Variants in EPHA4 observed in about 807,000 individuals in gnomAD.
EPHA4 encodes ephrin type-A receptor 4.
Under a neutral mutation model 108.3 loss-of-function variants are expected in EPHA4, and 19 were observed. The observed-to-expected ratio is 0.18, with a 90% CI of 0.12 to 0.26. The LOEUF (loss-of-function observed/expected upper bound fraction) is 0.26, where lower values mean the gene tolerates loss of function less well. Ranked by LOEUF, EPHA4 falls within the 10% of genes least tolerant of loss-of-function variation. The pLI is 1.00. For synonymous variants in EPHA4, 449 were observed against 455.5 expected (o/e 0.99, Z 0.18); for missense variants, 917 against 1,254.0 (o/e 0.73, Z 4.06).
In EPHA4 at chr2:221,436,601, T is replaced by C; in HGVS notation, c.2144A>G (p.Asp715Gly). Residue 715 changes from aspartate (D) to glycine (G), a missense_variant, in exon 13 of 18, where the codon GAT (aspartate) becomes GGT (glycine). By Grantham distance (94) the Asp-to-Gly change is moderately conservative. Around this residue, in one of 3 missense-constraint regions of EPHA4, gnomAD observed 758 missense variants for 1,076.7 expected, o/e 0.70. Transcript: ENST00000281821. Reference sequence around the variant, plus strand: ...CAGCTGAATGACTGTAAATCTGCCATCATTTTTCTGCATAGAAAAGGAGTG... The same window carrying C: ...CAGCTGAATGACTGTAAATCTGCCACCATTTTTCTGCATAGAAAAGGAGTG... ...GSLDAFLRKNDGRFTVIQLVG... is the reference protein window; with the variant it reads ...GSLDAFLRKNGGRFTVIQLVG... 1 of 1,614,116 alleles carries C rather than the reference T, an allele frequency of 6.2e-7. No homozygotes were observed. Among genetic ancestry groups the C allele is most frequent in the Non-Finnish European group, 8.5e-7 (1 of 1,180,008 alleles).
In EPHA4 at chr2:221,571,839, A is replaced by T. The variant is rs1408338210; in HGVS notation, c.91+319T>A. ...ACGTGGTTCTTGTAATTTTTTTTTT[A>T]AATCCCGGCGTTGTCTCCCGTGCAT... On this transcript the variant is annotated intron_variant, in intron 1 of 17. Coordinates refer to ENST00000281821, the MANE Select transcript of EPHA4 (RefSeq NM_004438.5). The surrounding 1 kb of genome is among the most constrained non-coding windows in gnomAD (Gnocchi z 6.3). Among the ~76,000 whole-genome samples, 2 of 151,754 alleles carry T rather than the reference A, an allele frequency of 1.3e-5. No homozygotes were observed. Among genetic ancestry groups the T allele is most frequent in the Non-Finnish European group, 2.9e-5 (2 of 67,934 alleles).
chr2:221,502,989 A>T (rs936861507), intron 3 of EPHA4, among the ~76,000 whole-genome samples: 1 of 152,178 alleles, frequency 6.6e-6, no homozygotes, highest in South Asian at 2.1e-4. Context: ...TTTTTTGGTC[A>T]TGCTTAAGAT....
chr2:221,462,350 T>C (rs1691172374), intron 5 of EPHA4, among the ~76,000 whole-genome samples: 2 of 151,828 alleles, frequency 1.3e-5, no homozygotes, highest in South Asian at 4.2e-4. Context: ...ATTTTCCTGG[T>C]CTAAGGTGCC....
At chr2:221,493,628 T>A (rs1284170831) in intron 4 of EPHA4, among the ~76,000 whole-genome samples, 1 of 152,212 alleles carries the variant, frequency 6.6e-6, no homozygotes, top group African/African-American at 2.4e-5. Flanking sequence ...TGGCTCATTA[T>A]GTTGATAACT....
rs572708457 is a variant in EPHA4 at position 221,426,362 on chromosome 2, A to AT, written c.2846+101dup. On this transcript the variant is annotated intron_variant, in intron 16 of 17. Coordinates refer to ENST00000281821, the MANE Select transcript of EPHA4 (RefSeq NM_004438.5). ...TCAATCAAAATGAGAGGCATTCCAG[A>AT]TTTTTTTTAAATGAGTAGGATGATT... The AT allele has an allele frequency of 1.7e-4, 235 of 1,387,194 alleles. No individual in the cohort carries two copies. The African/African-American group carries it at 2.2e-3, about 13-fold the overall frequency. The allele number at this position is 1,387,194 out of a possible 1,614,324, so 85.9% of individuals were successfully genotyped here.
intron 8 of EPHA4, among the ~76,000 whole-genome samples, chr2:221,446,550 CAT>C (rs1300322176): frequency 1.3e-5 from 2 of 151,736 alleles, no homozygotes; most frequent in East Asian, 1.9e-4. Context: ...TATATATGTA[CAT>C]GTGTGTATAT....
At chr2:221,420,703 TC>T (rs1023722353) in intron 17 of EPHA4, among the ~76,000 whole-genome samples, 151 bp from the exon 18 acceptor site, 3 of 151,898 alleles carry the variant, frequency 2.0e-5, no homozygotes, top group Non-Finnish European at 2.9e-5. Context: ...AATTATACTT[TC>T]CTTTTCTGAA....
intron 5 of EPHA4, 143 bp downstream of exon 5, chr2:221,482,209 C>A (rs1691840981): frequency 1.1e-6 from 1 of 878,488 alleles, no homozygotes; most frequent in Non-Finnish European, 1.7e-6. Flanking sequence ...CCGTGCCCAG[C>A]CCCTAAGTAT....
chr2:221,471,546 G>C (rs1021348256), intron 5 of EPHA4, among the ~76,000 whole-genome samples: 9 of 152,188 alleles, frequency 5.9e-5, no homozygotes, highest in Non-Finnish European at 1.2e-4. Flanking sequence ...AGAGGAAAAA[G>C]AAGTGGAGGG....
At chr2:221,470,885 C>T (rs1018739007) in intron 5 of EPHA4, among the ~76,000 whole-genome samples, 8 of 152,110 alleles carry the variant, frequency 5.3e-5, no homozygotes, top group African/African-American at 1.9e-4. Context: ...TGACAATTTT[C>T]TCAAAAGCTA....
intron 8 of EPHA4, among the ~76,000 whole-genome samples, chr2:221,452,133 A>C (rs1462013619): frequency 6.6e-6 from 1 of 152,246 alleles, no homozygotes; most frequent in Non-Finnish European, 1.5e-5. Context: ...GTTTCTGTCC[A>C]TTGACTTCCT....
At chr2:221,530,591 C>A (rs573199040) in intron 3 of EPHA4, among the ~76,000 whole-genome samples, 12 of 152,290 alleles carry the variant, frequency 7.9e-5, no homozygotes, top group Admixed American at 4.6e-4. Context: ...CCATGGACCT[C>A]CTGGACATCC....
chr2:221,512,276 A>G (rs1055847887), intron 3 of EPHA4, among the ~76,000 whole-genome samples: 4 of 152,374 alleles, frequency 2.6e-5, no homozygotes, highest in African/African-American at 9.6e-5. Flanking sequence ...CGTATATTTT[A>G]GATGAACTAA....
At chr2:221,421,321 A>C (rs1207427814) in intron 17 of EPHA4, among the ~76,000 whole-genome samples, 1 of 152,206 alleles carries the variant, frequency 6.6e-6, no homozygotes, top group East Asian at 1.9e-4. Context: ...AAAAGAAAAA[A>C]AAGAAAAATG....
At chr2:221,461,371 T>C (rs760770313) in intron 5 of EPHA4, among the ~76,000 whole-genome samples, 1 of 152,158 alleles carries the variant, frequency 6.6e-6, no homozygotes, top group Non-Finnish European at 1.5e-5. Flanking sequence ...GAAGAGGAGA[T>C]AATAGAATTT....
chr2:221,515,798 G>A (rs1255081831), intron 3 of EPHA4, among the ~76,000 whole-genome samples: 1 of 152,088 alleles, frequency 6.6e-6, no homozygotes. Context: ...CCTGGGCAAC[G>A]GAGCAAGACC....
chr2:221,537,706 T>C (rs2106188091), intron 3 of EPHA4, among the ~76,000 whole-genome samples: 1 of 152,304 alleles, frequency 6.6e-6, no homozygotes, highest in African/African-American at 2.4e-5. Context: ...CGGAGGATCA[T>C]TTGAACCTAA....
At chr2:221,497,815 G>T (rs1231435828) in intron 4 of EPHA4, among the ~76,000 whole-genome samples, 2 of 152,116 alleles carry the variant, frequency 1.3e-5, no homozygotes, top group Admixed American at 6.6e-5. Flanking sequence ...GGAGTTCCAA[G>T]AGCAGGTATT....
At position 221,566,947 on chromosome 2, in the gene EPHA4, AAGG is replaced by A. The variant is rs1235918497; in HGVS notation, c.159+1768_159+1770del. Among the ~76,000 whole-genome samples, 5 of 78,726 alleles carry A rather than the reference AAGG, an allele frequency of 6.4e-5. 1 individual carries two copies. Among genetic ancestry groups the A allele is most frequent in the South Asian group, 3.7e-4 (1 of 2,686 alleles). 51.6% of individuals were successfully genotyped at this position (78,726 alleles called of 152,430 possible). ...GAAGGAGAAGGAGAAGGAGAAGGAGAAGGAGAAGGGGAAGAGGAAGAGGAAGAA... is the reference window on the plus strand; with the variant it reads ...GAAGGAGAAGGAGAAGGAGAAGGAGAAGAAGGGGAAGAGGAAGAGGAAGAA... On this transcript the variant is annotated intron_variant, in intron 2 of 17. Coordinates refer to ENST00000281821, the MANE Select transcript of EPHA4 (RefSeq NM_004438.5).
Sources: gnomAD v4.1 joint callset for allele counts (sites outside exome capture counted in the v4.1 genomes callset) on GRCh38, gnomAD v4.1.1 for gene constraint, gnomAD v4.1.1 regional missense constraint, Gnocchi (gnomAD v3.1) non-coding constraint, MANE v1.5 for transcripts, NCBI Gene and HGNC (gene_info 2026-07-23, HGNC 2026-07-21) for gene names.